The following NKAIN3 variants were observed in gnomAD, a reference collection of about 807,000 sequenced individuals.
NKAIN3 encodes the protein sodium/potassium-transporting ATPase subunit beta-1-interacting protein 3.
A neutral mutation model predicts 30.2 loss-of-function variants in NKAIN3; 25 were observed. The ratio of observed to expected loss-of-function variants is 0.83; its 90% CI spans 0.60 to 1.16. NKAIN3 has a LOEUF of 1.16. Ranked by LOEUF, NKAIN3 falls within the 50% of genes most tolerant of loss-of-function variation. The probability of loss-of-function intolerance (pLI) is 0.00; values close to 1 mark genes in which losing one functional copy is unlikely to be tolerated. For missense variants in NKAIN3, 225 were observed against 254.1 expected, an observed-to-expected ratio of 0.89 and a Z score of 0.78; for synonymous variants, 91 against 89.6, an observed-to-expected ratio of 1.02 and a Z score of -0.09.
chr8:62,745,492 A>C (rs1054545804), intron 3 of NKAIN3, among the ~76,000 whole-genome samples: 2 of 152,008 alleles, frequency 1.3e-5, no homozygotes, highest in African/African-American at 2.4e-5. Context: ...CATCACCACT[A>C]CTTCTTCTAC....
At chr8:62,878,999 T>C (rs544429432) in intron 4 of NKAIN3, among the ~76,000 whole-genome samples, 42 of 152,344 alleles carry the variant, frequency 2.8e-4, no homozygotes, top group South Asian at 8.3e-4. Flanking sequence ...TATAGCAGCA[T>C]GTTTTATAAT....
At chr8:62,622,742 C>T (rs988319516) in intron 3 of NKAIN3, among the ~76,000 whole-genome samples, 2 of 152,060 alleles carry the variant, frequency 1.3e-5, no homozygotes, top group South Asian at 4.2e-4. Flanking sequence ...ATCCTCTTAA[C>T]AGGGCCTGTC....
At chr8:62,888,727 T>A (rs1821217795) in intron 4 of NKAIN3, among the ~76,000 whole-genome samples, 3 of 152,238 alleles carry the variant, frequency 2.0e-5, no homozygotes, top group Admixed American at 2.0e-4. Context: ...AAAGTGAATA[T>A]GTTTTGTGAT....
At chr8:62,464,502 C>T (rs529712531) in intron 1 of NKAIN3, among the ~76,000 whole-genome samples, 5 of 152,098 alleles carry the variant, frequency 3.3e-5, no homozygotes, top group Non-Finnish European at 7.4e-5. Context: ...CTATGTGGGC[C>T]GTCTTTTTGT....
chr8:62,294,253 C>G (rs1813754653), intron 1 of NKAIN3, among the ~76,000 whole-genome samples: 1 of 152,152 alleles, frequency 6.6e-6, no homozygotes, highest in African/African-American at 2.4e-5. Flanking sequence ...TGAGATGAAC[C>G]CAGTACCTCA....
rs994416788 is a variant in NKAIN3 at position 62,346,477 on chromosome 8, G to A, written c.54+97350G>A. Among the ~76,000 whole-genome samples the A allele has an allele frequency of 3.3e-5, 5 of 152,084 alleles. No homozygotes were observed. The East Asian group carries it at 7.7e-4, about 24-fold the overall frequency. On this transcript the variant is annotated intron_variant, in intron 1 of 6. Coordinates refer to ENST00000623646, the MANE Select transcript of NKAIN3 (RefSeq NM_001304533.3). ...TAGACCTTATGCAGCTATTAAACTA[G>A]CAAATCCTATTTTTTGCATTAAAAT...
chr8:62,871,185 G>T (rs1373977061), intron 4 of NKAIN3, among the ~76,000 whole-genome samples: 1 of 151,982 alleles, frequency 6.6e-6, no homozygotes, highest in Non-Finnish European at 1.5e-5. Context: ...TGGATCACCT[G>T]AGGTCAAGAG....
At chr8:62,749,679 CTTTTT>C (rs35908903) in intron 4 of NKAIN3, among the ~76,000 whole-genome samples, 193 of 97,278 alleles carry the variant, frequency 2.0e-3, no homozygotes, top group Middle Eastern at 6.1e-3. Context: ...TTTTTCTTTT[CTTTTT>C]TTTTTTTTTT....
intron 3 of NKAIN3, among the ~76,000 whole-genome samples, chr8:62,593,918 C>T (rs1012506171): frequency 6.6e-6 from 1 of 151,936 alleles, no homozygotes; most frequent in South Asian, 2.1e-4. Flanking sequence ...AGGTGGGGAT[C>T]CTCAGTGGGG....
At chr8:62,677,416 G>A (rs1447480381) in intron 3 of NKAIN3, among the ~76,000 whole-genome samples, 1 of 152,200 alleles carries the variant, frequency 6.6e-6, no homozygotes, top group African/African-American at 2.4e-5. Flanking sequence ...GCATAACTCA[G>A]GGATACACTA....
At chr8:62,642,288 T>A (rs1316023448) in intron 3 of NKAIN3, among the ~76,000 whole-genome samples, 2 of 152,072 alleles carry the variant, frequency 1.3e-5, no homozygotes, top group Non-Finnish European at 2.9e-5. Context: ...GAAACCTCAG[T>A]CAGAATTTTG....
intron 1 of NKAIN3, among the ~76,000 whole-genome samples, chr8:62,511,937 AT>A (rs1283651735): frequency 6.6e-6 from 1 of 151,998 alleles, no homozygotes; most frequent in Non-Finnish European, 1.5e-5. Flanking sequence ...TGTTTTTGTG[AT>A]TGTTTGATTA....
At chr8:62,959,032 G>A (rs1823496386) in intron 6 of NKAIN3, among the ~76,000 whole-genome samples, 2 of 152,128 alleles carry the variant, frequency 1.3e-5, no homozygotes, top group African/African-American at 4.8e-5. Context: ...GCTTCCAAAG[G>A]AAAACTTGTT....
intron 6 of NKAIN3, among the ~76,000 whole-genome samples, chr8:62,958,138 A>G (rs1012394970): frequency 1.3e-5 from 2 of 151,738 alleles, no homozygotes. Flanking sequence ...GAAGCTCATG[A>G]CTCCCTAATC....
intron 1 of NKAIN3, among the ~76,000 whole-genome samples, chr8:62,407,640 C>G (rs976467396): frequency 6.6e-6 from 1 of 152,098 alleles, no homozygotes; most frequent in African/African-American, 2.4e-5. Flanking sequence ...ACCGTGTGAG[C>G]CAGGATGGTC....
downstream of NKAIN3, among the ~76,000 whole-genome samples, chr8:62,986,398 C>T (rs925932787): frequency 6.6e-6 from 1 of 152,104 alleles, no homozygotes. Flanking sequence ...TGGTTGCAGT[C>T]CTCCTCTCCA....
At chr8:62,354,797 C>T (rs1457685438) in intron 1 of NKAIN3, among the ~76,000 whole-genome samples, 1 of 152,078 alleles carries the variant, frequency 6.6e-6, no homozygotes, top group Non-Finnish European at 1.5e-5. Context: ...TCTGTATATC[C>T]AATCCTTAAG....
At chr8:62,867,735 C>T (rs1050073637) in intron 4 of NKAIN3, among the ~76,000 whole-genome samples, 1 of 152,154 alleles carries the variant, frequency 6.6e-6, no homozygotes, top group Admixed American at 6.5e-5. Flanking sequence ...AATCCAATAG[C>T]CTAGCGTTTA....
chr8:62,616,299 G>A (rs1419942349), intron 3 of NKAIN3, among the ~76,000 whole-genome samples: 1 of 151,924 alleles, frequency 6.6e-6, no homozygotes, highest in Non-Finnish European at 1.5e-5. Flanking sequence ...CTACAAATGG[G>A]GTCTCCAGAC....
Sources: gnomAD v4.1 joint callset for allele counts (sites outside exome capture counted in the v4.1 genomes callset) on GRCh38, gnomAD v4.1.1 for gene constraint, MANE v1.5 for transcripts, NCBI Gene and HGNC (gene_info 2026-07-23, HGNC 2026-07-21) for gene names.